Variants in CNTNAP4 observed in about 807,000 individuals in gnomAD.
CNTNAP4 encodes the protein contactin associated protein family member 4.
A neutral mutation model predicts 148.4 loss-of-function variants in CNTNAP4; 98 were observed. The observed-to-expected ratio is 0.66, with a 90% CI of 0.56 to 0.78. CNTNAP4 has a LOEUF of 0.78. Among genes scored for constraint, CNTNAP4 ranks in the 30% least tolerant of loss-of-function variants. The pLI is 0.00. For synonymous variants in CNTNAP4, 730 were observed against 565.1 expected, an observed-to-expected ratio of 1.29 and a Z score of -4.14; for missense variants, 1,935 against 1,565.6, an observed-to-expected ratio of 1.24 and a Z score of -3.98.
chr16:76,411,470 G>A (rs2078789798), intron 3 of CNTNAP4, among the ~76,000 whole-genome samples: 1 of 151,256 alleles, frequency 6.6e-6, no homozygotes, highest in Non-Finnish European at 1.5e-5. Flanking sequence ...TAGTGATTTT[G>A]ATGGTAATGG....
intron 3 of CNTNAP4, among the ~76,000 whole-genome samples, chr16:76,405,072 A>G (rs1254566230): frequency 6.6e-6 from 1 of 152,180 alleles, no homozygotes; most frequent in Non-Finnish European, 1.5e-5. Flanking sequence ...TGTATTTCAA[A>G]TGAGGAAAAT....
At chr16:76,364,789 C>T (rs761768426) in intron 3 of CNTNAP4, among the ~76,000 whole-genome samples, 12 of 152,004 alleles carry the variant, frequency 7.9e-5, no homozygotes, top group East Asian at 1.9e-4. Flanking sequence ...TAAATAGAGA[C>T]GAGATTAAAA....
At chr16:76,371,190 GATCAAAC>G (rs1382646400) in intron 3 of CNTNAP4, among the ~76,000 whole-genome samples, 1 of 152,206 alleles carries the variant, frequency 6.6e-6, no homozygotes, top group South Asian at 2.1e-4. Context: ...TCTTACAGAT[GATCAAAC>G]ATCAAACATC....
At chr16:76,309,840 T>C in intron 1 of CNTNAP4, 1 of 700,716 alleles carries the variant, frequency 1.4e-6, no homozygotes, top group South Asian at 1.5e-5. Flanking sequence ...GGGTTTCCGC[T>C]TTTGCTGCTT....
intron 2 of CNTNAP4, among the ~76,000 whole-genome samples, chr16:76,349,334 G>C (rs751553711): frequency 3.3e-5 from 5 of 152,098 alleles, no homozygotes; most frequent in Non-Finnish European, 7.3e-5. Context: ...GCCCATCCCT[G>C]AAACAATCAC....
At chr16:76,321,274 C>G (rs1423331927) in intron 2 of CNTNAP4, among the ~76,000 whole-genome samples, 1 of 152,172 alleles carries the variant, frequency 6.6e-6, no homozygotes, top group Non-Finnish European at 1.5e-5. Flanking sequence ...GGATGGATCT[C>G]TATAAGAATA....
At chr16:76,543,791 G>A (rs536155921) in intron 21 of CNTNAP4, among the ~76,000 whole-genome samples, 1 of 152,350 alleles carries the variant, frequency 6.6e-6, no homozygotes, top group African/African-American at 2.4e-5. Flanking sequence ...ACAAGCATGA[G>A]GATGGATTTC....
intron 17 of CNTNAP4, among the ~76,000 whole-genome samples, chr16:76,525,234 C>G (rs2083667707): frequency 1.3e-5 from 2 of 151,346 alleles, no homozygotes; most frequent in Non-Finnish European, 2.9e-5. Flanking sequence ...CAGTGAAAGA[C>G]ACATTATAAT....
chr16:76,545,199 T>G (rs534642472), intron 21 of CNTNAP4, among the ~76,000 whole-genome samples: 1 of 152,216 alleles, frequency 6.6e-6, no homozygotes, highest in East Asian at 1.9e-4. Flanking sequence ...TTAATTTTTT[T>G]AATAATTAAA....
chr16:76,535,410 G>A lies in CNTNAP4; in HGVS notation c.2756-135G>A, dbSNP rs2084171666. 9.3e-6 allele frequency: 8 copies of A among 858,266 alleles called. No homozygotes were observed. In the South Asian group the frequency reaches 1.5e-4, roughly 16 times the overall value. The allele number at this position is 858,266 out of a possible 1,614,324, so 53.2% of individuals were successfully genotyped here. A position where few individuals can be genotyped will look rare whatever the true frequency, so the allele number is the denominator to read the frequency against. On this transcript the variant is annotated intron_variant, in intron 17 of 23. Coordinates refer to ENST00000611870, the MANE Select transcript of CNTNAP4 (RefSeq NM_033401.5). ...TTTCTTGGAGTCTATATTTGACCAT[G>A]AATTGTGTTTCCAAAATTATATTTG... is the stretch of plus-strand genomic sequence containing the variant.
chr16:76,341,511 G>A (rs1255929452), intron 2 of CNTNAP4, among the ~76,000 whole-genome samples: 1 of 152,196 alleles, frequency 6.6e-6, no homozygotes, highest in Non-Finnish European at 1.5e-5. Flanking sequence ...ATTACTGAAA[G>A]GGAGTAATTA....
chr16:76,327,339 TA>T (rs1457708392), intron 2 of CNTNAP4, among the ~76,000 whole-genome samples: 3 of 152,252 alleles, frequency 2.0e-5, no homozygotes, highest in Non-Finnish European at 4.4e-5. Flanking sequence ...TCTTTTAGGA[TA>T]ACGGTTTCTA....
chr16:76,284,856 A>AG (rs1168050070), intron 1 of CNTNAP4, among the ~76,000 whole-genome samples: 3 of 152,040 alleles, frequency 2.0e-5, no homozygotes, highest in Non-Finnish European at 4.4e-5. Context: ...TGATTACTTC[A>AG]GGGGGCTGAT....
intron 15 of CNTNAP4, among the ~76,000 whole-genome samples, chr16:76,504,865 C>A (rs1487084650): frequency 6.6e-6 from 1 of 152,044 alleles, no homozygotes; most frequent in African/African-American, 2.4e-5. Flanking sequence ...TCCTTAGCAT[C>A]ATTAGTTATT....
chr16:76,284,971 T>A (rs1958824000), intron 1 of CNTNAP4, among the ~76,000 whole-genome samples: 1 of 152,056 alleles, frequency 6.6e-6, no homozygotes, highest in South Asian at 2.1e-4. Flanking sequence ...CAAAACGTCT[T>A]TTGTTAGGGT....
intron 5 of CNTNAP4, among the ~76,000 whole-genome samples, 170 bp from the exon 6 acceptor site, chr16:76,448,597 T>C (rs1016278046): frequency 1.3e-5 from 2 of 151,966 alleles, no homozygotes; most frequent in Admixed American, 6.6e-5. Context: ...TACAACAAGG[T>C]TGAGATATTA....
intron 12 of CNTNAP4, among the ~76,000 whole-genome samples, chr16:76,485,868 A>G (rs2082008430): frequency 6.6e-6 from 1 of 152,222 alleles, no homozygotes; most frequent in African/African-American, 2.4e-5. Flanking sequence ...GCTTTGCTCC[A>G]GAAGGCTGGC....
chr16:76,527,997 G>A (rs987014931), intron 17 of CNTNAP4, among the ~76,000 whole-genome samples: 2 of 152,082 alleles, frequency 1.3e-5, no homozygotes, highest in African/African-American at 4.8e-5. Flanking sequence ...TGTTAAAAAT[G>A]TACCTTCTTC....
intron 3 of CNTNAP4, among the ~76,000 whole-genome samples, chr16:76,372,633 G>A (rs775578101): frequency 2.0e-5 from 3 of 152,104 alleles, no homozygotes; most frequent in African/African-American, 7.2e-5. Flanking sequence ...CTCTCATTCT[G>A]TCTTTTCTGC....
Sources: allele counts gnomAD v4.1 joint callset (sites outside exome capture counted in the v4.1 genomes callset), GRCh38; gene constraint gnomAD v4.1.1; transcripts MANE v1.5; gene names NCBI Gene and HGNC (gene_info 2026-07-23, HGNC 2026-07-21).